The following TRIQK variants were observed in gnomAD, a reference collection of about 807,000 sequenced individuals.
TRIQK encodes triple QxxK/R motif-containing protein.
In TRIQK, 10 loss-of-function variants were observed where a neutral mutation model predicts 10.8. That is an observed-to-expected ratio of 0.92 (90% CI 0.57 to 1.57). The LOEUF (loss-of-function observed/expected upper bound fraction) is 1.57. Ranked by LOEUF, TRIQK falls within the 40% of genes most tolerant of loss-of-function variation. The pLI is 0.00. For missense variants in TRIQK, 107 were observed against 97.7 expected (o/e 1.09, Z -0.40); for synonymous variants, 33 against 33.7 (o/e 0.98, Z 0.07).
intron 1 of TRIQK, chr8:92,974,833 G>A (rs569148841): frequency 6.6e-6 from 1 of 152,318 alleles, no homozygotes; most frequent in South Asian, 2.1e-4. Context: ...TGGAACCCAT[G>A]GGCACCTTAC....
At chr8:92,917,744 T>C (rs1052251885) in intron 2 of TRIQK, among the ~76,000 whole-genome samples, 5 of 151,792 alleles carry the variant, frequency 3.3e-5, no homozygotes, top group African/African-American at 1.2e-4. Context: ...AAAACAAAAC[T>C]TCTCTTCTAA....
intron 1 of TRIQK, among the ~76,000 whole-genome samples, chr8:92,972,363 T>C (rs993240913): frequency 6.6e-6 from 1 of 152,228 alleles, no homozygotes; most frequent in African/African-American, 2.4e-5. Flanking sequence ...TTATTTGCTT[T>C]AGTCAAAAAT....
rs1357299648 is a variant in TRIQK, at chr8:93,001,328, T to A, written c.-181+16281A>T. Reference sequence around the variant, plus strand: ...CTCAAAAAAAAAAAAAAAAATGATATAGAGAGGCTACTAAATGGGCAAAAC... The same window carrying A: ...CTCAAAAAAAAAAAAAAAAATGATAAAGAGAGGCTACTAAATGGGCAAAAC... On this transcript the variant is annotated intron_variant, in intron 1 of 4. Transcript: ENST00000520686. Among the ~76,000 whole-genome samples, 46 of 147,326 alleles carry A rather than the reference T, an allele frequency of 3.1e-4. 1 individual carries two copies. The highest frequency in any genetic ancestry group is 2.1e-4 in the South Asian group (1 of 4,686).
chr8:92,892,739 C>A (rs942322902), intron 3 of TRIQK, among the ~76,000 whole-genome samples: 3 of 151,744 alleles, frequency 2.0e-5, no homozygotes, highest in African/African-American at 7.3e-5. Flanking sequence ...CAAAAATGTG[C>A]GAAACTGAGT....
At chr8:92,891,932 T>C in intron 4 of TRIQK, 57 bp downstream of exon 4, 3 of 1,218,986 alleles carry the variant, frequency 2.5e-6, no homozygotes, top group Non-Finnish European at 3.4e-6. Flanking sequence ...AATCCAGTTT[T>C]AGAAAATGAA....
At position 92,998,450 on chromosome 8, in the gene TRIQK, A is replaced by G. The variant is rs530825231; in HGVS notation, c.-181+19159T>C. 3.3e-5 allele frequency among the ~76,000 whole-genome samples: 5 copies of G among 152,184 alleles called. No homozygotes were observed. The South Asian group carries it at 1.0e-3, about 31-fold the overall frequency. ...CTGAAAGAAATTGGAAAATTTCTTA[A>G]GAGATTAGTGTTAGCACAGTACAAA... On this transcript the variant is annotated intron_variant, in intron 1 of 4. Transcript: ENST00000520686.
At chr8:92,966,913 G>T (rs534920635), upstream of TRIQK, among the ~76,000 whole-genome samples, 9 of 133,648 alleles carry the variant, frequency 6.7e-5, no homozygotes, top group South Asian at 2.2e-3. Context: ...TCACATAAAA[G>T]TCACCTTCCT....
chr8:92,898,185 A>T (rs2130318117), intron 3 of TRIQK, among the ~76,000 whole-genome samples: 1 of 152,258 alleles, frequency 6.6e-6, no homozygotes, highest in South Asian at 2.1e-4. Flanking sequence ...ACACAGAGTT[A>T]GCTCTAAGTA....
chr8:92,905,049 C>T (rs1470495588), intron 3 of TRIQK, among the ~76,000 whole-genome samples: 2 of 152,144 alleles, frequency 1.3e-5, no homozygotes, highest in African/African-American at 4.8e-5. Context: ...TATGACACAA[C>T]ACTCTTCTAC....
chr8:92,955,983 C>T (rs1812152028), intron 1 of TRIQK, among the ~76,000 whole-genome samples: 1 of 151,726 alleles, frequency 6.6e-6, no homozygotes, highest in Non-Finnish European at 1.5e-5. Flanking sequence ...AATGTTACAG[C>T]CACACTTTGA....
Position 92,885,257 on chromosome 8 carries a change from G to T in TRIQK, c.*1365C>A, listed in dbSNP as rs767131802. 17 of 318,994 alleles carry T rather than the reference G, an allele frequency of 5.3e-5. No individual in the cohort carries two copies. In the East Asian group the frequency reaches 1.2e-3, roughly 23 times the overall value. The allele number at this position is 318,994 out of a possible 1,614,324, so 19.8% of individuals were successfully genotyped here. A position where few individuals can be genotyped will look rare whatever the true frequency, so the allele number is the denominator to read the frequency against. On this transcript the variant is annotated 3_prime_UTR_variant, in exon 5 of 5. Coordinates refer to ENST00000521988, the MANE Select transcript of TRIQK (RefSeq NM_001171797.2). The stretch of plus-strand genomic sequence containing the variant: ...CAGTCGACTTTTTGCAAAAGTACCA[G>T]AGAATATCTTTTAGAAACAGTGCTT...
intron 1 of TRIQK, among the ~76,000 whole-genome samples, chr8:93,009,141 A>C (rs574292613): frequency 1.3e-5 from 2 of 152,250 alleles, no homozygotes; most frequent in Non-Finnish European, 2.9e-5. Flanking sequence ...TAGCAAAATA[A>C]CAAATAATCT....
chr8:92,930,901 A>C (rs936898033), intron 2 of TRIQK, among the ~76,000 whole-genome samples: 2 of 152,174 alleles, frequency 1.3e-5, no homozygotes, highest in Non-Finnish European at 2.9e-5. Flanking sequence ...CTAAAAAATG[A>C]AGGAAAACAA....
chr8:92,998,906 A>G (rs1813180249), intron 1 of TRIQK, among the ~76,000 whole-genome samples: 1 of 152,128 alleles, frequency 6.6e-6, no homozygotes, highest in Non-Finnish European at 1.5e-5. Flanking sequence ...ATGATTTACA[A>G]AAATGTCTTT....
intron 1 of TRIQK, among the ~76,000 whole-genome samples, chr8:92,962,055 TCTCA>T (rs1255140727): frequency 6.6e-6 from 1 of 152,180 alleles, no homozygotes; most frequent in African/African-American, 2.4e-5. Context: ...CATACACCTA[TCTCA>T]CTCTATTGTT....
At chr8:92,906,735 A>AG (rs998531616) in intron 3 of TRIQK, among the ~76,000 whole-genome samples, 2 of 151,262 alleles carry the variant, frequency 1.3e-5, no homozygotes, top group African/African-American at 4.9e-5. Flanking sequence ...AAAAAAAAAA[A>AG]AAAAAAATTT....
At chr8:92,952,553 CAAT>C (rs1385556086) in intron 2 of TRIQK, among the ~76,000 whole-genome samples, 8 of 151,628 alleles carry the variant, frequency 5.3e-5, no homozygotes, top group Admixed American at 2.0e-4. Context: ...ATATTTGAAA[CAAT>C]AATGACTGAG....
In TRIQK at chr8:92,954,387, T is replaced by G. The variant is rs1468365925; in HGVS notation, c.-22+19A>C. Reference sequence around the variant, plus strand: ...AAATCAAAACACCTTTTGCAAAATGTTAAATCAAATAAACACACCTTGCGT... The same window carrying G: ...AAATCAAAACACCTTTTGCAAAATGGTAAATCAAATAAACACACCTTGCGT... On this transcript the variant is annotated intron_variant, in intron 2 of 4. Coordinates refer to ENST00000521988, the MANE Select transcript of TRIQK (RefSeq NM_001171797.2). 1 of 151,946 alleles carries G rather than the reference T, an allele frequency of 6.6e-6. No homozygotes were observed. Among genetic ancestry groups the G allele is most frequent in the African/African-American group, 2.4e-5 (1 of 41,428 alleles). 9.4% of individuals were successfully genotyped at this position (151,946 alleles called of 1,614,324 possible). A position where few individuals can be genotyped will look rare whatever the true frequency, so the allele number is the denominator to read the frequency against.
At chr8:92,938,618 G>C (rs1811115426) in intron 2 of TRIQK, among the ~76,000 whole-genome samples, 1 of 151,452 alleles carries the variant, frequency 6.6e-6, no homozygotes, top group African/African-American at 2.4e-5. Context: ...ACTATTCTGA[G>C]ACTACATCTA....
Sources: gnomAD v4.1 joint callset for allele counts (sites outside exome capture counted in the v4.1 genomes callset) on GRCh38, gnomAD v4.1.1 for gene constraint, MANE v1.5 for transcripts, NCBI Gene and HGNC (gene_info 2026-07-23, HGNC 2026-07-21) for gene names.